The following ATP6AP2 variants were observed in gnomAD, a reference collection of about 807,000 sequenced individuals.
ATP6AP2 encodes renin receptor.
Under a neutral mutation model 23.4 loss-of-function variants are expected in ATP6AP2, and 1 was observed. That is an observed-to-expected ratio of 0.04 (90% confidence interval 0.02 to 0.20). The LOEUF is 0.20. Ranked by LOEUF, ATP6AP2 falls within the 10% of genes least tolerant of loss-of-function variation. The pLI, the probability that ATP6AP2 is intolerant of heterozygous loss-of-function variation, is 1.00. For synonymous variants in ATP6AP2, 90 were observed against 97.1 expected (o/e 0.93, Z 0.43); for missense variants, 174 against 271.3 (o/e 0.64, Z 2.52).
At chrX:40,582,906 G>A (rs1231909272) in intron 1 of ATP6AP2, among the ~76,000 whole-genome samples, 1 of 112,172 alleles carries the variant, frequency 8.9e-6, no homozygotes, top group African/African-American at 3.2e-5. Flanking sequence ...TACAGAACAA[G>A]AACCTGATCC....
At position 40,605,593 on chromosome X, in the gene ATP6AP2, T is replaced by C; in HGVS notation, c.891T>C (p.Tyr297=). 3 of 1,209,716 alleles carry C rather than the reference T, an allele frequency of 2.5e-6. No individual in the cohort carries two copies. Among genetic ancestry groups the C allele is most frequent in the Non-Finnish European group, 3.4e-6 (3 of 893,678 alleles). Residue 297 remains tyrosine, a synonymous_variant, in exon 9 of 9, where the codon TAT becomes TAC. Transcript: ENST00000636580. ...CAGCAAGTCCCTATAACCTTGCATA[T>C]AAGTATAATTTTGAATATTCCGTGG... is the stretch of plus-strand genomic sequence containing the variant. The part of the protein sequence containing the change: ...KNPASPYNLA[Y]KYNFEYSVVF...
intron 8 of ATP6AP2, among the ~76,000 whole-genome samples, chrX:40,603,897 C>T (rs1217952648): frequency 9.0e-6 from 1 of 111,457 alleles, no homozygotes; most frequent in Non-Finnish European, 1.9e-5. Context: ...TGAGCCACCA[C>T]ACTCAGCTAA....
chrX:40,581,971 G>A (rs1201057185), intron 1 of ATP6AP2, among the ~76,000 whole-genome samples: 1 of 111,789 alleles, frequency 8.9e-6, no homozygotes, highest in Non-Finnish European at 1.9e-5. Context: ...CAGCGCATCG[G>A]CCTTTTCCAT....
chrX:40,602,507 G>A (rs1319957139), intron 8 of ATP6AP2, among the ~76,000 whole-genome samples: 1 of 106,440 alleles, frequency 9.4e-6, no homozygotes, highest in Non-Finnish European at 1.9e-5. Context: ...AAAATCAGCC[G>A]GGCGTGGTGG....
At chrX:40,603,853 G>C (rs1261417330) in intron 8 of ATP6AP2, among the ~76,000 whole-genome samples, 1 of 111,859 alleles carries the variant, frequency 8.9e-6, no homozygotes, top group Non-Finnish European at 1.9e-5. Flanking sequence ...TGATCCACCT[G>C]TCTGAGCCTC....
At position 40,599,961 on chromosome X, in the gene ATP6AP2, C is replaced by T. The variant is rs1008855292; in HGVS notation, c.738+220C>T. Reference sequence around the variant, plus strand: ...AACAGCATTAGGAAAAGTTATCTCACACAAAGCTTTACAAAATTATTGTGG... The same window carrying T: ...AACAGCATTAGGAAAAGTTATCTCATACAAAGCTTTACAAAATTATTGTGG... On this transcript the variant is annotated intron_variant, in intron 7 of 8. Coordinates refer to ENST00000636580, the MANE Select transcript of ATP6AP2 (RefSeq NM_005765.3). 7 of 407,607 alleles carry T rather than the reference C, an allele frequency of 1.7e-5. No homozygotes were observed. In the East Asian group the frequency reaches 3.1e-4, roughly 18 times the overall value. The allele number at this position is 407,607 out of a possible 1,213,427, so 33.6% of individuals were successfully genotyped here. A position where few individuals can be genotyped will look rare whatever the true frequency, so the allele number is the denominator to read the frequency against.
rs968409596 is a variant in ATP6AP2 at position 40,605,650 on chromosome X, C to T, written c.948C>T (p.Ala316=). Residue 316 remains alanine (A), a synonymous_variant, in exon 9 of 9, where the codon GCC becomes GCT. Transcript: ENST00000636580. ...VFNMVLWIMI[A]LALAVIITSY... is the part of the protein sequence containing the mutation. ...ACATGGTACTTTGGATAATGATCGC[C>T]TTGGCCTTGGCTGTGATTATCACCT... 2.5e-6 allele frequency: 3 copies of T among 1,204,623 alleles called. No individual in the cohort carries two copies. The highest frequency in any genetic ancestry group is 3.5e-5 in the African/African-American group (2 of 56,925).
At chrX:40,600,931 T>TATA in intron 8 of ATP6AP2, 50 bp downstream of exon 8, 1 of 974,797 alleles carries the variant, frequency 1.0e-6, no homozygotes, top group Non-Finnish European at 1.4e-6. Flanking sequence ...TAACTTCTTA[T>TATA]AAAAAAAAAA....
chrX:40,588,567 A>G (rs751353027), intron 1 of ATP6AP2, among the ~76,000 whole-genome samples: 18 of 111,011 alleles, frequency 1.6e-4, no homozygotes, highest in African/African-American at 5.9e-4. Flanking sequence ...TGTTTTTTAA[A>G]TTTTGGAGAT....
intron 1 of ATP6AP2, among the ~76,000 whole-genome samples, chrX:40,586,518 GA>G (rs1926475657): frequency 8.9e-6 from 1 of 111,881 alleles, no homozygotes; most frequent in Non-Finnish European, 1.9e-5. Flanking sequence ...AGCTGGAGAT[GA>G]GGTTATCTGG....
intron 1 of ATP6AP2, among the ~76,000 whole-genome samples, chrX:40,583,095 TAG>T (rs1199523014): frequency 8.9e-6 from 1 of 111,902 alleles, no homozygotes; most frequent in Non-Finnish European, 1.9e-5. Context: ...ACTAGGGACC[TAG>T]AGAGAGAGGA....
chrX:40,605,448 T>C (rs1231142525), intron 8 of ATP6AP2, 113 bp from the exon 9 acceptor site: 2 of 696,390 alleles, frequency 2.9e-6, no homozygotes, highest in Non-Finnish European at 2.2e-6. Flanking sequence ...GTAGCTGTTA[T>C]GCCACTTATG....
Position 40,591,290 on chromosome X carries a change from C to T in ATP6AP2, c.225C>T (p.Thr75=), listed in dbSNP as rs895752312. The part of the protein sequence containing the change: ...VGNLFHRPRA[T]VMVMVKGVNK... ...ACCTGTTTCATCGTCCTCGGGCTAC[C>T]GTCATGGTGATGGTGAAGGGAGTGA... Residue 75 remains threonine, a synonymous_variant, in exon 3 of 9, where the codon ACC becomes ACT. Transcript: ENST00000636580. 13 of 1,210,730 alleles carry T rather than the reference C, an allele frequency of 1.1e-5. No homozygotes were observed. The highest frequency in any genetic ancestry group is 3.5e-5 in the South Asian group (2 of 56,967).
rs1926309103 is a variant in ATP6AP2, at chrX:40,581,098, G to A, written c.33G>A (p.Val11=). The change falls in exon 1 of 9, where the codon GTG becomes GTA. Residue 11 remains valine, a synonymous_variant. Coordinates refer to ENST00000636580, the MANE Select transcript of ATP6AP2 (RefSeq NM_005765.3). The stretch of plus-strand genomic sequence containing the variant: ...TGTTTGTCGTGCTCCTGGCGTTGGT[G>A]GCGGGTGAGGAGCCGGGGGCCGGCA... The part of the protein sequence containing the change: MAVFVVLLAL[V]AGVLGNEFSI... The A allele has an allele frequency of 8.6e-7, 1 of 1,162,721 alleles. No individual in the cohort carries two copies. Among genetic ancestry groups the A allele is most frequent in the Non-Finnish European group, 1.1e-6 (1 of 871,415 alleles).
At chrX:40,589,478 ATTAT>A in intron 2 of ATP6AP2, 1 of 176,132 alleles carries the variant, frequency 5.7e-6, no homozygotes, top group Non-Finnish European at 1.1e-5. Context: ...TAACTATATA[ATTAT>A]TTATTCATAG....
chrX:40,594,034 C>A (rs1484214778), intron 3 of ATP6AP2, among the ~76,000 whole-genome samples: 1 of 110,941 alleles, frequency 9.0e-6, no homozygotes, highest in Non-Finnish European at 1.9e-5. Flanking sequence ...AATAATAATG[C>A]ATTGTGTATT....
At chrX:40,582,033 G>A (rs1926338919) in intron 1 of ATP6AP2, among the ~76,000 whole-genome samples, 1 of 112,100 alleles carries the variant, frequency 8.9e-6, no homozygotes, top group African/African-American at 3.2e-5. Context: ...GAATGTGGGA[G>A]TGATGGGGAC....
At chrX:40,598,367 T>C (rs527947573) in intron 5 of ATP6AP2, 1 of 299,365 alleles carries the variant, frequency 3.3e-6, no homozygotes, top group South Asian at 5.0e-5. Flanking sequence ...TAGGATGTCA[T>C]TGCAGAGTGC....
intron 8 of ATP6AP2, among the ~76,000 whole-genome samples, chrX:40,604,149 C>T (rs748561883): frequency 2.8e-5 from 3 of 106,335 alleles, no homozygotes; most frequent in Non-Finnish European, 5.6e-5. Flanking sequence ...TGTTTTTACA[C>T]AGCTCTGTAT....
Sources: gnomAD v4.1 joint callset for allele counts (sites outside exome capture counted in the v4.1 genomes callset) on GRCh38, gnomAD v4.1.1 for gene constraint, MANE v1.5 for transcripts, NCBI Gene and HGNC (gene_info 2026-07-23, HGNC 2026-07-21) for gene names.